The following OPTN variants were observed in gnomAD, a reference collection of about 807,000 sequenced individuals.
OPTN encodes the protein optineurin, also known as E3-14.7K-interacting protein.
OPTN carries 54 observed loss-of-function variants against 70.4 expected under a neutral mutation model. The ratio of observed to expected loss-of-function variants is 0.77; its 90% confidence interval spans 0.62 to 0.96. The LOEUF (loss-of-function observed/expected upper bound fraction) is 0.96, where lower values mean the gene tolerates loss of function less well. OPTN is among the 40% of genes least tolerant of loss of function. The pLI, the probability that OPTN is intolerant of heterozygous loss-of-function variation, is 0.00. For synonymous variants in OPTN, 256 were observed against 248.5 expected, an observed-to-expected ratio of 1.03 and a Z score of -0.28; for missense variants, 624 against 673.2, an observed-to-expected ratio of 0.93 and a Z score of 0.81.
chr10:13,129,613 C>T (rs1037795827), intron 12 of OPTN, among the ~76,000 whole-genome samples: 1 of 152,164 alleles, frequency 6.6e-6, no homozygotes, highest in Non-Finnish European at 1.5e-5. Flanking sequence ...GGATTACGGG[C>T]GTGAGCCACC....
intron 12 of OPTN, among the ~76,000 whole-genome samples, chr10:13,128,401 T>C (rs1416748283): frequency 6.6e-6 from 1 of 151,876 alleles, no homozygotes; most frequent in African/African-American, 2.4e-5. Flanking sequence ...TGGTATCTCA[T>C]TTAATTTGCA....
chr10:13,119,532 C>T (rs1439766540), intron 7 of OPTN, among the ~76,000 whole-genome samples: 7 of 152,130 alleles, frequency 4.6e-5, no homozygotes, highest in Admixed American at 4.6e-4. Flanking sequence ...CAAGTTTTTA[C>T]TGGGATATGT....
chr10:13,112,207 A>G (rs1415529431), intron 4 of OPTN, among the ~76,000 whole-genome samples: 1 of 145,326 alleles, frequency 6.9e-6, no homozygotes, highest in Non-Finnish European at 1.5e-5. Context: ...TCCTGGGCTC[A>G]GGCAGTCTTC....
At chr10:13,101,659 A>C (rs1832751635) in intron 1 of OPTN, among the ~76,000 whole-genome samples, 1 of 152,210 alleles carries the variant, frequency 6.6e-6, no homozygotes, top group South Asian at 2.1e-4. Flanking sequence ...AAAAATTAAA[A>C]GTTTTTGTTA....
At chr10:13,129,565 G>C (rs1250025786) in intron 12 of OPTN, among the ~76,000 whole-genome samples, 1 of 138,636 alleles carries the variant, frequency 7.2e-6, no homozygotes, top group African/African-American at 2.6e-5. Context: ...GTTAGCCATG[G>C]TGGTCTCGAA....
chr10:13,110,741 G>A (rs1030098953), intron 4 of OPTN, among the ~76,000 whole-genome samples: 7 of 152,172 alleles, frequency 4.6e-5, no homozygotes, highest in Admixed American at 1.3e-4. Context: ...ATAAATCATT[G>A]TATTGTATTC....
rs1281534317 is a variant in OPTN, at chr10:13,137,939, A to G, written c.*1073A>G. ...TAGGTTAGGTTATATCTTCATAATC[A>G]CAAGAATTAGTGATGGCAAAATAAA... On this transcript the variant is annotated 3_prime_UTR_variant, in exon 15 of 15. Transcript: ENST00000378747. The G allele has an allele frequency of 4.6e-6, 1 of 217,074 alleles. No individual in the cohort carries two copies. The highest frequency in any genetic ancestry group is 6.9e-5 in the East Asian group (1 of 14,530). 13.4% of individuals were successfully genotyped at this position (217,074 alleles called of 1,614,324 possible). A position where few individuals can be genotyped will look rare whatever the true frequency, so the allele number is the denominator to read the frequency against.
chr10:13,110,093 C>T (rs572290743), intron 3 of OPTN, 181 bp from the exon 4 acceptor site: 81 of 1,072,698 alleles, frequency 7.6e-5, no homozygotes, highest in Middle Eastern at 6.2e-4. Flanking sequence ...ATGTTCATCC[C>T]GCTAGTCTTT....
intron 3 of OPTN, chr10:13,109,541 A>C: frequency 2.1e-6 from 1 of 468,960 alleles, no homozygotes; most frequent in Non-Finnish European, 3.9e-6. Flanking sequence ...AAAAGGAAAA[A>C]GAGGCTGGGC....
rs771767144 is a variant in OPTN, at chr10:13,126,283, C to CCTTTTTT, written c.1242+244_1242+245insCTTTTTT. On this transcript the variant is annotated intron_variant, in intron 11 of 14. Coordinates refer to ENST00000378747, the MANE Select transcript of OPTN (RefSeq NM_001008212.2). ...GTCAGGGATTAAGCACTTCGTATTT[C>CCTTTTTT]TTTTTTTTTTTTTTTGAGACGGAGT... Among the ~76,000 whole-genome samples, 35 of 139,062 alleles carry CCTTTTTT rather than the reference C, an allele frequency of 2.5e-4. 1 individual carries two copies. The highest frequency in any genetic ancestry group is 5.7e-4 in the African/African-American group (21 of 36,720). The allele number at this position is 139,062 out of a possible 152,430, so 91.2% of individuals were successfully genotyped here. A position where few individuals can be genotyped will look rare whatever the true frequency, so the allele number is the denominator to read the frequency against.
In OPTN at chr10:13,110,453, G is replaced by C; in HGVS notation, c.346G>C (p.Gly116Arg). Residue 116 changes from glycine (G) to arginine (R), a missense_variant, in exon 4 of 15, where the codon GGG becomes CGG. Physicochemically the swap from Gly to Arg is moderately radical, Grantham distance 125 (BLOSUM62 -2). Transcript: ENST00000378747. ...GAAGGAAGAGCTTGGAAAACTAAAA[G>C]GGAAATCAGAAAGGTCATCTGAGGT... is the stretch of plus-strand genomic sequence containing the variant. ...KLKEELGKLK[G>R]KSERSSEDPT... The C allele has an allele frequency of 1.2e-6, 2 of 1,613,774 alleles. No homozygotes were observed. Among genetic ancestry groups the C allele is most frequent in the Non-Finnish European group, 1.7e-6 (2 of 1,179,812 alleles).
At chr10:13,127,526 G>A (rs1401164260) in intron 11 of OPTN, among the ~76,000 whole-genome samples, 1 of 151,990 alleles carries the variant, frequency 6.6e-6, no homozygotes, top group East Asian at 1.9e-4. Flanking sequence ...TAATAGACTG[G>A]TTAGAGCTGA....
At chr10:13,116,585 C>T in intron 6 of OPTN, 1 of 551,628 alleles carries the variant, frequency 1.8e-6, no homozygotes, top group Non-Finnish European at 3.3e-6. Flanking sequence ...TGTCTCACCT[C>T]CAGCAGATGA....
At chr10:13,125,350 G>T in intron 9 of OPTN, 68 bp from the exon 10 acceptor site, 1 of 1,557,614 alleles carries the variant, frequency 6.4e-7, no homozygotes, top group Non-Finnish European at 8.8e-7. Context: ...TAACCTTGGG[G>T]TTTGTTTAAA....
In OPTN at chr10:13,137,113, T is replaced by C; in HGVS notation, c.*247T>C. The stretch of plus-strand genomic sequence containing the variant: ...GGCCAACATGGCGGAACCCTGTCTC[T>C]ACCAAAATTACAAAAATTAGCCGAG... On this transcript the variant is annotated 3_prime_UTR_variant, in exon 15 of 15. Transcript: ENST00000378747. 1.6e-5 allele frequency: 8 copies of C among 491,942 alleles called. No individual in the cohort carries two copies. The highest frequency in any genetic ancestry group is 3.0e-5 in the Non-Finnish European group (8 of 267,806). 30.5% of individuals were successfully genotyped at this position (491,942 alleles called of 1,614,324 possible). A position where few individuals can be genotyped will look rare whatever the true frequency, so the allele number is the denominator to read the frequency against.
chr10:13,108,586 G>C (rs1378904810), intron 2 of OPTN, among the ~76,000 whole-genome samples: 1 of 140,874 alleles, frequency 7.1e-6, no homozygotes, highest in African/African-American at 2.7e-5. Flanking sequence ...TCGCTCTGTT[G>C]CCCAGGCTGG....
At chr10:13,118,193 C>T (rs557585117) in intron 6 of OPTN, among the ~76,000 whole-genome samples, 3 of 152,282 alleles carry the variant, frequency 2.0e-5, no homozygotes, top group East Asian at 1.9e-4. Flanking sequence ...TCCTGGAAAC[C>T]GGGATTTAAT....
At chr10:13,105,934 A>T (rs1484792887) in intron 1 of OPTN, among the ~76,000 whole-genome samples, 1 of 151,834 alleles carries the variant, frequency 6.6e-6, no homozygotes, top group Non-Finnish European at 1.5e-5. Flanking sequence ...TTCATTGAGG[A>T]AAAAAATCTT....
intron 7 of OPTN, among the ~76,000 whole-genome samples, chr10:13,119,981 C>CTTTTTT (rs35284693): frequency 1.0e-4 from 12 of 117,648 alleles, no homozygotes; most frequent in African/African-American, 3.4e-4. Context: ...TATTTTCTTT[C>CTTTTTT]TTTTTTTTTT....
Sources: gnomAD v4.1 joint callset for allele counts (sites outside exome capture counted in the v4.1 genomes callset) on GRCh38, gnomAD v4.1.1 for gene constraint, MANE v1.5 for transcripts, NCBI Gene and HGNC (gene_info 2026-07-23, HGNC 2026-07-21) for gene names.